Variants in KEL observed in about 807,000 individuals in gnomAD.
KEL encodes kell blood group glycoprotein.
Under a neutral mutation model 99.5 loss-of-function variants are expected in KEL, and 96 were observed. The ratio of observed to expected loss-of-function variants is 0.97; its 90% CI spans 0.82 to 1.14. The LOEUF is 1.14. Among genes scored for constraint, KEL ranks in the 50% most tolerant of loss-of-function variants. KEL has a pLI of 0.00. For missense variants in KEL, 926 were observed against 924.2 expected (o/e 1.00, Z -0.03); for synonymous variants, 355 against 354.8 (o/e 1.00, Z -0.01).
At chr7:142,946,344 G>T (rs897611289) in intron 10 of KEL, 27 bp from the exon 11 acceptor site, 10 of 1,542,840 alleles carry the variant, frequency 6.5e-6, no homozygotes, top group Non-Finnish European at 8.9e-6. Context: ...GGAATGAGTG[G>T]CTCCTGTTCA....
Position 142,941,334 on chromosome 7 carries a change from C to G in KEL, c.2117G>C (p.Ser706Thr), listed in dbSNP as rs768466059. ...ATACCTGGCAAAGGCTGGGGTGCTG[C>G]TGAGGGGCCCGTGGACTCGGAGGTG... ...PPHLRVHGPLSSTPAFARYFR... is the reference protein window; with the variant it reads ...PPHLRVHGPLTSTPAFARYFR... Residue 706 changes from serine (S) to threonine (T), a missense_variant, in exon 19 of 19, where the codon AGC becomes ACC. Physicochemically the swap from Ser to Thr is moderately conservative, Grantham distance 58. Transcript: ENST00000355265. The G allele has an allele frequency of 6.2e-7, 1 of 1,613,832 alleles. No individual in the cohort carries two copies. Among genetic ancestry groups the G allele is most frequent in the Non-Finnish European group, 8.5e-7 (1 of 1,179,836 alleles).
chr7:142,961,589 T>C (rs1796961320), intron 2 of KEL, 88 bp from the exon 3 acceptor site: 6 of 1,446,430 alleles, frequency 4.1e-6, no homozygotes. Context: ...AATCTGTTGG[T>C]GCTACAGTCC....
In KEL at chr7:142,954,498, G is replaced by C; in HGVS notation, c.702C>G (p.Leu234=). 6.2e-7 allele frequency: 1 copy of C among 1,614,110 alleles called. No individual in the cohort carries two copies. The highest frequency in any genetic ancestry group is 8.5e-7 in the Non-Finnish European group (1 of 1,180,008). The part of the protein sequence containing the change: ...QIDQPEFDVP[L]KQDQEQKIYA... Reference sequence around the variant, plus strand: ...AGATCTTCTGTTCTTGATCTTGCTTGAGGGGAACATCAAACTCTGGCTGGT... The same window carrying C: ...AGATCTTCTGTTCTTGATCTTGCTTCAGGGGAACATCAAACTCTGGCTGGT... Residue 234 remains leucine (L), a synonymous_variant, in exon 7 of 19, where the codon CTC becomes CTG. Transcript: ENST00000355265.
chr7:142,955,741 G>A (rs546090949), intron 6 of KEL, among the ~76,000 whole-genome samples: 28 of 151,920 alleles, frequency 1.8e-4, no homozygotes, highest in Non-Finnish European at 3.4e-4. Flanking sequence ...CTTCTGTCTC[G>A]AAAAAAACTT....
intron 12 of KEL, 99 bp from the exon 13 acceptor site, chr7:142,944,499 AGT>A: frequency 8.1e-7 from 1 of 1,229,924 alleles, no homozygotes; most frequent in Non-Finnish European, 1.2e-6. Context: ...CATTGTTGCC[AGT>A]GTGAGTATAC....
chr7:142,943,060 C>A lies in KEL; in HGVS notation c.1772-16G>T. ...CCAGGCAGTACTGTTGAAAATGGGACAAGAGAACATACAGCAAGAGAACAT... is the reference window on the plus strand; with the variant it reads ...CCAGGCAGTACTGTTGAAAATGGGAAAAGAGAACATACAGCAAGAGAACAT... On this transcript the variant is annotated splice_polypyrimidine_tract_variant and intron_variant, in intron 16 of 18. Transcript: ENST00000355265. 3 of 1,613,616 alleles carry A rather than the reference C, an allele frequency of 1.9e-6. No homozygotes were observed. In the South Asian group the frequency reaches 3.3e-5, roughly 18 times the overall value.
intron 1 of KEL, 163 bp from the exon 2 acceptor site, chr7:142,962,035 C>G: frequency 6.2e-7 from 1 of 1,609,926 alleles, no homozygotes; most frequent in South Asian, 1.1e-5. Flanking sequence ...CAGAACGAAC[C>G]TGTCCCCTGA....
At chr7:142,949,222 G>A (rs192905764) in intron 10 of KEL, among the ~76,000 whole-genome samples, 51 of 152,262 alleles carry the variant, frequency 3.3e-4, no homozygotes, top group Admixed American at 3.1e-3. Context: ...GTACTCTAAG[G>A]CACTACCCCA....
At chr7:142,954,149 A>G in intron 8 of KEL, 35 bp downstream of exon 8, 2 of 1,592,806 alleles carry the variant, frequency 1.3e-6, no homozygotes. Flanking sequence ...GAAGATCCCC[A>G]TGCCCACAGT....
At chr7:142,956,409 G>A (rs1796831220) in intron 6 of KEL, among the ~76,000 whole-genome samples, 1 of 151,282 alleles carries the variant, frequency 6.6e-6, no homozygotes, top group African/African-American at 2.4e-5. Context: ...ATGCACAATT[G>A]TCATAAGAGT....
chr7:142,942,782 T>G, intron 17 of KEL, 93 bp downstream of exon 17: 1 of 1,485,160 alleles, frequency 6.7e-7, no homozygotes. Context: ...GCCATGCAAC[T>G]GTACTTGTGT....
At chr7:142,947,466 G>T (rs1414224772) in intron 10 of KEL, among the ~76,000 whole-genome samples, 1 of 152,192 alleles carries the variant, frequency 6.6e-6, no homozygotes, top group African/African-American at 2.4e-5. Flanking sequence ...ACCAGTTAAA[G>T]AGGTTATCAT....
rs1244206635 is a variant in KEL at position 142,954,132 on chromosome 7, T to G, written c.924+52A>C. On this transcript the variant is annotated intron_variant, in intron 8 of 18. Transcript: ENST00000355265. ...GAGGAAGAAGGAAAGGAGGTAATGT[T>G]TGAGAGGAAGATCCCCATGCCCACA... 2.6e-6 allele frequency: 4 copies of G among 1,558,010 alleles called. No homozygotes were observed. In the East Asian group the frequency reaches 6.7e-5, roughly 26 times the overall value.
In KEL at chr7:142,942,875, C is replaced by T. The variant is rs1439042258; in HGVS notation, c.1941G>A (p.Gln647=). The T allele has an allele frequency of 5.0e-6, 8 of 1,614,190 alleles. No homozygotes were observed. The highest frequency in any genetic ancestry group is 5.9e-6 in the Non-Finnish European group (7 of 1,180,032). The change falls in exon 17 of 19, where the codon CAG becomes CAA. Residue 647 remains glutamine, a splice_region_variant and synonymous_variant. Transcript: ENST00000355265. ...ADVGGLAIAL[Q]AYSKRLLRHH... ...ACTGTGGCCCTTGACACTTGCATAC[C>T]TGCAGCGCGATGGCTAGCCCCCCAA...
At chr7:142,942,318 AG>A (rs1306229017) in intron 18 of KEL, 115 bp downstream of exon 18, 3 of 729,186 alleles carry the variant, frequency 4.1e-6, no homozygotes, top group Non-Finnish European at 4.9e-6. Context: ...GGACATCTGC[AG>A]AAGAGGGTTT....
At chr7:142,952,471 T>G in intron 10 of KEL, 38 bp downstream of exon 10, 2 of 1,610,852 alleles carry the variant, frequency 1.2e-6, no homozygotes, top group Non-Finnish European at 1.7e-6. Context: ...GATACTCCTT[T>G]CGAGTATCTG....
intron 10 of KEL, among the ~76,000 whole-genome samples, chr7:142,948,713 A>T (rs1482722358): frequency 6.6e-6 from 1 of 152,194 alleles, no homozygotes; most frequent in Non-Finnish European, 1.5e-5. Flanking sequence ...GAGGCATATG[A>T]AAGACCGGAA....
Position 142,954,565 on chromosome 7 carries a change from G to A in KEL, c.673-38C>T, listed in dbSNP as rs145861559. On this transcript the variant is annotated intron_variant, in intron 6 of 18. Transcript: ENST00000355265. ...GAGACTGGAGAGAAGCAGGGAGCAT[G>A]GCGGATGGAGAGGGCAGGTGTGGGG... 3.8e-4 allele frequency: 601 copies of A among 1,596,654 alleles called. 2 individuals carry two copies. In the African/African-American group the frequency reaches 7.1e-3, roughly 19 times the overall value.
Position 142,942,896 on chromosome 7 carries a change from C to T in KEL, c.1920G>A (p.Gly640=), listed in dbSNP as rs542976466. ...ATACCTGCAGCGCGATGGCTAGCCC[C>T]CCAACGTCTGCAGCATTCTCTAAGA... ...LTFLENAADV[G]GLAIALQAYS... The change falls in exon 17 of 19, where the codon GGG becomes GGA. Residue 640 remains glycine, a synonymous_variant. Transcript: ENST00000355265. 1 of 1,614,182 alleles carries T rather than the reference C, an allele frequency of 6.2e-7. No homozygotes were observed. Among genetic ancestry groups the T allele is most frequent in the South Asian group, 1.1e-5 (1 of 91,084 alleles).
Sources: gnomAD v4.1 joint callset for allele counts (sites outside exome capture counted in the v4.1 genomes callset) on GRCh38, gnomAD v4.1.1 for gene constraint, MANE v1.5 for transcripts, NCBI Gene and HGNC (gene_info 2026-07-23, HGNC 2026-07-21) for gene names.